The following VEPH1 variants were observed in gnomAD, a reference collection of about 807,000 sequenced individuals.
The protein encoded by VEPH1 is ventricular zone expressed PH domain containing 1, also known as ventricular zone-expressed PH domain-containing protein homolog 1.
Under a neutral mutation model 85.2 loss-of-function variants are expected in VEPH1, and 80 were observed. The observed-to-expected ratio is 0.94, with a 90% confidence interval of 0.78 to 1.13. VEPH1 has a LOEUF of 1.13. Ranked by LOEUF, VEPH1 falls within the 50% of genes most tolerant of loss-of-function variation. The probability of loss-of-function intolerance (pLI) is 0.00; values close to 1 mark genes in which losing one functional copy is unlikely to be tolerated. For synonymous variants in VEPH1, 297 were observed against 348.0 expected, an observed-to-expected ratio of 0.85 and a Z score of 1.63; for missense variants, 955 against 980.5, an observed-to-expected ratio of 0.97 and a Z score of 0.35.
chr3:157,301,428 G>A (rs1458444285), intron 11 of VEPH1, among the ~76,000 whole-genome samples: 2 of 151,962 alleles, frequency 1.3e-5, no homozygotes, highest in South Asian at 2.1e-4. Context: ...GCATCATCCC[G>A]GCAATTTACA....
At chr3:157,377,414 C>T (rs1728249843) in intron 7 of VEPH1, among the ~76,000 whole-genome samples, 1 of 151,444 alleles carries the variant, frequency 6.6e-6, no homozygotes, top group Non-Finnish European at 1.5e-5. Context: ...TTCCTACCTA[C>T]ATATCTCCTA....
At chr3:157,490,530 C>A (rs1327318929) in intron 2 of VEPH1, among the ~76,000 whole-genome samples, 2 of 151,824 alleles carry the variant, frequency 1.3e-5, no homozygotes, top group Non-Finnish European at 1.5e-5. Context: ...AAATGGTCAA[C>A]CTTGGTAATA....
intron 6 of VEPH1, among the ~76,000 whole-genome samples, chr3:157,383,209 C>T (rs1381756080): frequency 2.0e-5 from 3 of 152,144 alleles, no homozygotes; most frequent in East Asian, 3.8e-4. Context: ...GTATGGCATG[C>T]CTATAATATG....
intron 9 of VEPH1, among the ~76,000 whole-genome samples, chr3:157,360,989 A>G (rs1372556465): frequency 6.6e-6 from 1 of 152,224 alleles, no homozygotes; most frequent in Non-Finnish European, 1.5e-5. Flanking sequence ...AATGCTTTAG[A>G]TCAACTTTGA....
intron 4 of VEPH1, among the ~76,000 whole-genome samples, chr3:157,449,198 C>T (rs1156595965): frequency 6.6e-6 from 1 of 152,174 alleles, no homozygotes; most frequent in Non-Finnish European, 1.5e-5. Context: ...CAAGGGGAAA[C>T]ATTAATATTT....
chr3:157,410,292 T>C (rs1437602832), intron 6 of VEPH1, among the ~76,000 whole-genome samples: 1 of 152,144 alleles, frequency 6.6e-6, no homozygotes, highest in African/African-American at 2.4e-5. Flanking sequence ...TGTTTCATTG[T>C]CTCCCCATAG....
At chr3:157,426,582 C>T (rs565712376) in intron 5 of VEPH1, among the ~76,000 whole-genome samples, 7 of 152,098 alleles carry the variant, frequency 4.6e-5, no homozygotes, top group Non-Finnish European at 1.0e-4. Flanking sequence ...CGTAAACATC[C>T]TAATTGTTAA....
intron 12 of VEPH1, among the ~76,000 whole-genome samples, chr3:157,282,889 C>T (rs938755613): frequency 2.0e-5 from 3 of 152,220 alleles, no homozygotes; most frequent in African/African-American, 7.2e-5. Context: ...GCAATAAACA[C>T]CACCAGGCAA....
At chr3:157,335,368 G>T (rs1722868964) in intron 9 of VEPH1, among the ~76,000 whole-genome samples, 1 of 152,028 alleles carries the variant, frequency 6.6e-6, no homozygotes, top group African/African-American at 2.4e-5. Context: ...CTGCACTCCA[G>T]CCTGGGCAAC....
At chr3:157,428,630 G>A in intron 4 of VEPH1, 142 bp from the exon 5 acceptor site, 1 of 712,766 alleles carries the variant, frequency 1.4e-6, no homozygotes. Flanking sequence ...AAAATAACAT[G>A]GTACCTTATT....
At chr3:157,471,075 C>G (rs1736905528) in intron 2 of VEPH1, among the ~76,000 whole-genome samples, 1 of 152,198 alleles carries the variant, frequency 6.6e-6, no homozygotes, top group South Asian at 2.1e-4. Context: ...ACCTGATCAT[C>G]TTTACTGAGA....
chr3:157,375,571 A>AGGATAAATGGAATTCTGG (rs1449969755), intron 7 of VEPH1, among the ~76,000 whole-genome samples: 2 of 152,182 alleles, frequency 1.3e-5, no homozygotes, highest in African/African-American at 4.8e-5. Flanking sequence ...CATGGAATGT[A>AGGATAAATGGAATTCTGG]GGATAAATGG....
chr3:157,334,029 G>C (rs13325320), intron 9 of VEPH1, among the ~76,000 whole-genome samples: 6 of 152,076 alleles, frequency 3.9e-5, no homozygotes, highest in African/African-American at 1.4e-4. Context: ...TATTATGTCC[G>C]ATATGTTGGT....
intron 9 of VEPH1, among the ~76,000 whole-genome samples, chr3:157,348,287 A>G (rs913749328): frequency 6.6e-6 from 1 of 152,080 alleles, no homozygotes. Context: ...GGATTGCTGG[A>G]TCGTATGGTA....
In VEPH1 at chr3:157,362,861, C is replaced by T. The variant is rs192587970; in HGVS notation, c.1735+503G>A. On this transcript the variant is annotated intron_variant, in intron 9 of 13. Coordinates refer to ENST00000362010, the MANE Select transcript of VEPH1 (RefSeq NM_001167912.2). ...CCTAAGTTGAGCATCATCATCTATA[C>T]TCTAAACTCTAAGAGGTCAGGAATT... 4.0e-3 allele frequency among the ~76,000 whole-genome samples: 604 copies of T among 152,258 alleles called. 10 individuals carry two copies. The highest frequency in any genetic ancestry group is 0.025 in the Admixed American group (383 of 15,288).
intron 12 of VEPH1, among the ~76,000 whole-genome samples, chr3:157,275,912 G>A (rs968332846): frequency 4.6e-5 from 7 of 152,064 alleles, no homozygotes; most frequent in African/African-American, 1.7e-4. Context: ...CAGAGGATAT[G>A]CAAAAAGAGG....
chr3:157,292,897 C>T (rs939552018), intron 11 of VEPH1, among the ~76,000 whole-genome samples: 27 of 148,170 alleles, frequency 1.8e-4, no homozygotes, highest in African/African-American at 5.5e-4. Flanking sequence ...GCAGGAGAAT[C>T]GCTTGAGCCC....
chr3:157,441,273 T>C (rs900325183), intron 4 of VEPH1, among the ~76,000 whole-genome samples: 1 of 152,244 alleles, frequency 6.6e-6, no homozygotes, highest in Non-Finnish European at 1.5e-5. Context: ...TTATCAGCTA[T>C]GTAAACATAG....
chr3:157,499,116 C>G (rs1408381058), intron 1 of VEPH1, among the ~76,000 whole-genome samples: 1 of 152,172 alleles, frequency 6.6e-6, no homozygotes, highest in Non-Finnish European at 1.5e-5. Context: ...AGGCCAGACT[C>G]CAAAATCTCA....
Sources: gnomAD v4.1 joint callset for allele counts (sites outside exome capture counted in the v4.1 genomes callset) on GRCh38, gnomAD v4.1.1 for gene constraint, MANE v1.5 for transcripts, NCBI Gene and HGNC (gene_info 2026-07-23, HGNC 2026-07-21) for gene names.